NTN1: variants seen among roughly 807,000 people sequenced by gnomAD.
NTN1 encodes netrin-1.
A neutral mutation model predicts 54.2 loss-of-function variants in NTN1; 11 were observed. The ratio of observed to expected loss-of-function variants is 0.20; its 90% confidence interval spans 0.13 to 0.34. The LOEUF (loss-of-function observed/expected upper bound fraction) is 0.34. Ranked by LOEUF, NTN1 falls within the 10% of genes least tolerant of loss-of-function variation. The probability of loss-of-function intolerance (pLI) is 1.00; values close to 1 mark genes in which losing one functional copy is unlikely to be tolerated. For synonymous variants in NTN1, 371 were observed against 382.0 expected (o/e 0.97, Z 0.33); for missense variants, 740 against 893.1 (o/e 0.83, Z 2.18).
chr17:9,168,772 C>T (rs756269014), intron 3 of NTN1, among the ~76,000 whole-genome samples: 1 of 152,198 alleles, frequency 6.6e-6, no homozygotes, highest in Non-Finnish European at 1.5e-5. Flanking sequence ...ATAAAAGCCT[C>T]GGGCACCCTT....
At chr17:9,193,329 A>G (rs1904518921) in intron 5 of NTN1, among the ~76,000 whole-genome samples, 1 of 152,172 alleles carries the variant, frequency 6.6e-6, no homozygotes, top group South Asian at 2.1e-4. Context: ...GTAGGGAGAA[A>G]AGCATGGGGG....
chr17:9,096,388 T>TTTTTC (rs2092132126), intron 2 of NTN1, among the ~76,000 whole-genome samples: 1 of 141,530 alleles, frequency 7.1e-6, no homozygotes, highest in Non-Finnish European at 1.5e-5. Context: ...TTTTTTTTTT[T>TTTTTC]GAGATGGAGT....
chr17:9,086,776 G>T (rs1236900364), intron 2 of NTN1, among the ~76,000 whole-genome samples: 1 of 151,874 alleles, frequency 6.6e-6, no homozygotes, highest in Non-Finnish European at 1.5e-5. Context: ...CATCTTCACT[G>T]TCCTCATTAC....
intron 3 of NTN1, among the ~76,000 whole-genome samples, chr17:9,167,114 C>G (rs751241132): frequency 6.6e-6 from 1 of 152,180 alleles, no homozygotes; most frequent in Non-Finnish European, 1.5e-5. Flanking sequence ...CACTCTCCAG[C>G]TATTCAGTGC....
chr17:9,229,328 C>G (rs1468570120), intron 6 of NTN1, among the ~76,000 whole-genome samples: 1 of 152,186 alleles, frequency 6.6e-6, no homozygotes, highest in Non-Finnish European at 1.5e-5. Flanking sequence ...ACTATTCCCT[C>G]CCGCTGCTGG....
intron 2 of NTN1, among the ~76,000 whole-genome samples, chr17:9,143,898 C>CT (rs34801624): frequency 0.057 from 8,077 of 140,640 alleles, 590 homozygotes; most frequent in East Asian, 0.33. Flanking sequence ...CCTTTACCTG[C>CT]TTTTTTTTTT....
At chr17:9,149,737 T>G (rs1233449343) in intron 2 of NTN1, among the ~76,000 whole-genome samples, 1 of 151,934 alleles carries the variant, frequency 6.6e-6, no homozygotes, top group Non-Finnish European at 1.5e-5. Context: ...GAGGACTGGG[T>G]GGGATGGGGT....
Position 9,239,991 on chromosome 17 carries a change from G to A in NTN1, c.*23G>A. ...TAGCGCCGAGGCAGCGGGCGGGCGG[G>A]CGGGCGGGCGCCAGGGCGGGGCCGA... On this transcript the variant is annotated 3_prime_UTR_variant, in exon 7 of 7. Transcript: ENST00000173229. This position sits in a 1 kb window ranked among gnomAD's most constrained non-coding sequence, Gnocchi z 5.2. 1.0e-5 allele frequency: 4 copies of A among 395,392 alleles called. No homozygotes were observed. Among genetic ancestry groups the A allele is most frequent in the Non-Finnish European group, 1.6e-5 (4 of 249,996 alleles). The allele number at this position is 395,392 out of a possible 1,614,324, so 24.5% of individuals were successfully genotyped here. A position where few individuals can be genotyped will look rare whatever the true frequency, so the allele number is the denominator to read the frequency against.
chr17:9,133,930 A>T (rs2142273112), intron 2 of NTN1, among the ~76,000 whole-genome samples: 2 of 92,398 alleles, frequency 2.2e-5, no homozygotes, highest in South Asian at 3.8e-4. Flanking sequence ...TTTGAGACAG[A>T]GTCTCACTCT....
At chr17:9,169,504 C>T (rs2092381324) in intron 3 of NTN1, among the ~76,000 whole-genome samples, 1 of 152,246 alleles carries the variant, frequency 6.6e-6, no homozygotes, top group South Asian at 2.1e-4. Context: ...TCCATGTTTT[C>T]ACCTCCCTGG....
chr17:9,128,081 C>T (rs1475136883), intron 2 of NTN1, among the ~76,000 whole-genome samples: 3 of 151,954 alleles, frequency 2.0e-5, no homozygotes, highest in African/African-American at 4.8e-5. Context: ...TGCGCCACTG[C>T]ACTCCAGCCT....
chr17:9,040,647 A>G (rs1444622399), intron 2 of NTN1, among the ~76,000 whole-genome samples: 4 of 151,984 alleles, frequency 2.6e-5, no homozygotes, highest in African/African-American at 9.7e-5. Context: ...ATGGTAATGT[A>G]CTCTTGTATT....
intron 2 of NTN1, among the ~76,000 whole-genome samples, chr17:9,105,114 G>A (rs1051282345): frequency 5.9e-5 from 9 of 152,198 alleles, no homozygotes; most frequent in African/African-American, 1.2e-4. Flanking sequence ...ATGAAAAGAC[G>A]TGGTGTTAGC....
At chr17:9,131,640 G>A (rs1276570239) in intron 2 of NTN1, among the ~76,000 whole-genome samples, 1 of 151,204 alleles carries the variant, frequency 6.6e-6, no homozygotes, top group Non-Finnish European at 1.5e-5. Context: ...CTATGCAATG[G>A]TGTGATATTA....
intron 3 of NTN1, among the ~76,000 whole-genome samples, chr17:9,179,492 C>T (rs750917445): frequency 1.3e-5 from 2 of 152,248 alleles, no homozygotes; most frequent in South Asian, 2.1e-4. Flanking sequence ...ATGAGGGCTA[C>T]GGGCTCTGCC....
intron 6 of NTN1, among the ~76,000 whole-genome samples, chr17:9,226,660 G>A (rs1231145937): frequency 6.6e-6 from 1 of 152,128 alleles, no homozygotes; most frequent in Non-Finnish European, 1.5e-5. Flanking sequence ...GGGAGGCTGA[G>A]TGGGTAGCAG....
intron 2 of NTN1, among the ~76,000 whole-genome samples, chr17:9,108,201 C>T (rs1292585722): frequency 6.6e-6 from 1 of 152,152 alleles, no homozygotes; most frequent in Non-Finnish European, 1.5e-5. Flanking sequence ...AGACTCTGGG[C>T]TGAGCTTTCA....
In NTN1 at chr17:9,023,271, G is replaced by A; in HGVS notation, c.898G>A (p.Asp300Asn). 3.2e-6 allele frequency: 5 copies of A among 1,559,814 alleles called. No individual in the cohort carries two copies. The South Asian group carries it at 5.8e-5, about 18-fold the overall frequency. The change falls in exon 2 of 7, where the codon GAC becomes AAC. Residue 300 changes from aspartate to asparagine, a missense_variant. Physicochemically the swap from Asp to Asn is conservative, Grantham distance 23. Coordinates refer to ENST00000173229, the MANE Select transcript of NTN1 (RefSeq NM_004822.3). Reference sequence around the variant, plus strand: ...GGCCCGCTGCGTGCGCGACCGCGACGACAGCCTGGTGTGCGACTGCAGGCA... The same window carrying A: ...GGCCCGCTGCGTGCGCGACCGCGACAACAGCCTGGTGTGCGACTGCAGGCA... Reference protein sequence around the residue: ...HAARCVRDRDDSLVCDCRHNT... With the variant: ...HAARCVRDRDNSLVCDCRHNT...
intron 2 of NTN1, among the ~76,000 whole-genome samples, chr17:9,147,226 C>T (rs2092316150): frequency 6.6e-6 from 1 of 152,236 alleles, no homozygotes. Context: ...GAAATCCCTT[C>T]CATTAGCTCA....
Sources: gnomAD v4.1 joint callset for allele counts (sites outside exome capture counted in the v4.1 genomes callset) on GRCh38, gnomAD v4.1.1 for gene constraint, Gnocchi (gnomAD v3.1) non-coding constraint, MANE v1.5 for transcripts, NCBI Gene and HGNC (gene_info 2026-07-23, HGNC 2026-07-21) for gene names.